Variants in PARP8 observed in about 807,000 individuals in gnomAD.
PARP8 encodes the protein poly(ADP-ribose) polymerase family member 8.
A neutral mutation model predicts 124.1 loss-of-function variants in PARP8; 51 were observed. The ratio of observed to expected loss-of-function variants is 0.41; its 90% CI spans 0.33 to 0.52. PARP8 has a LOEUF of 0.52. PARP8 is among the 20% of genes least tolerant of loss of function. PARP8 has a pLI of 0.21. For missense variants in PARP8, 860 were observed against 1,018.9 expected, an observed-to-expected ratio of 0.84 and a Z score of 2.12; for synonymous variants, 391 against 361.5, an observed-to-expected ratio of 1.08 and a Z score of -0.93.
chr5:50,733,656 C>A (rs1209671947), intron 2 of PARP8, among the ~76,000 whole-genome samples: 5 of 152,100 alleles, frequency 3.3e-5, no homozygotes, highest in Non-Finnish European at 5.9e-5. Flanking sequence ...GTTATTGACT[C>A]AAAACCTCAC....
At chr5:50,834,840 A>G in intron 24 of PARP8, 91 bp from the exon 25 acceptor site, 3 of 1,103,420 alleles carry the variant, frequency 2.7e-6, no homozygotes, top group Non-Finnish European at 4.1e-6. Flanking sequence ...TTTTTGCTTT[A>G]GATTTCAACG....
At chr5:50,746,036 A>C (rs1211948443) in intron 2 of PARP8, among the ~76,000 whole-genome samples, 1 of 152,172 alleles carries the variant, frequency 6.6e-6, no homozygotes, top group Non-Finnish European at 1.5e-5. Context: ...TTCCCAATAC[A>C]TACCTTTTCA....
chr5:50,667,966 C>G, intron 1 of PARP8, 105 bp from the exon 2 acceptor site: 1 of 1,598,550 alleles, frequency 6.3e-7, no homozygotes, highest in Non-Finnish European at 8.5e-7. Context: ...TGCCTTCTGC[C>G]CGGCCAGGCC....
At chr5:50,727,885 AT>A (rs1397154057) in intron 2 of PARP8, among the ~76,000 whole-genome samples, 2 of 152,142 alleles carry the variant, frequency 1.3e-5, no homozygotes, top group African/African-American at 4.8e-5. Flanking sequence ...TACAACTATA[AT>A]TTTCATTTAT....
chr5:50,694,244 A>G (rs1561254103), intron 2 of PARP8, among the ~76,000 whole-genome samples: 1 of 152,174 alleles, frequency 6.6e-6, no homozygotes, highest in Non-Finnish European at 1.5e-5. Context: ...CCCTTATGGA[A>G]GTGACATCAA....
Position 50,843,844 on chromosome 5 carries a change from TGAAA to T in PARP8, c.*1777_*1780del, listed in dbSNP as rs1427409163. 1 of 151,834 alleles carries T rather than the reference TGAAA, an allele frequency of 6.6e-6. No homozygotes were observed. Among genetic ancestry groups the T allele is most frequent in the African/African-American group, 2.4e-5 (1 of 41,406 alleles). 9.4% of individuals were successfully genotyped at this position (151,834 alleles called of 1,614,324 possible). A position where few individuals can be genotyped will look rare whatever the true frequency, so the allele number is the denominator to read the frequency against. ...TGTTTAAGCAACAGAATTATTTTTTTGAAATTAGTCTATACGTTAGACAGTCTAT... is the reference window on the plus strand; with the variant it reads ...TGTTTAAGCAACAGAATTATTTTTTTTTAGTCTATACGTTAGACAGTCTAT... On this transcript the variant is annotated 3_prime_UTR_variant, in exon 26 of 26. Transcript: ENST00000281631.
At chr5:50,750,017 G>A in intron 2 of PARP8, 134 bp from the exon 3 acceptor site, 3 of 703,762 alleles carry the variant, frequency 4.3e-6, no homozygotes. Flanking sequence ...TTTCTAATCT[G>A]TTTTGGAAGT....
chr5:50,692,509 G>C (rs1752600377), intron 2 of PARP8, among the ~76,000 whole-genome samples: 1 of 151,518 alleles, frequency 6.6e-6, no homozygotes, highest in Non-Finnish European at 1.5e-5. Context: ...TTTTGGTCTT[G>C]TTTCTTAGCA....
rs1024803400 is a variant in PARP8 at position 50,788,536 on chromosome 5, T to C, written c.684T>C (p.Asp228=). 1.9e-6 allele frequency: 3 copies of C among 1,613,368 alleles called. No homozygotes were observed. The African/African-American group carries it at 4.0e-5, about 22-fold the overall frequency. The change falls in exon 10 of 26, where the codon GAT becomes GAC. Residue 228 remains aspartate (D), a synonymous_variant. Coordinates refer to ENST00000281631, the MANE Select transcript of PARP8 (RefSeq NM_024615.4). ...QYLNGPVPTV[D]VFQISTKERF... is the part of the protein sequence containing the mutation. ...TTTCCTTTCCAGTGCCCACTGTTGA[T>C]GTCTTTCAGATTTCCACAAAAGAGC...
At chr5:50,697,572 C>T (rs893495412) in intron 2 of PARP8, among the ~76,000 whole-genome samples, 2 of 152,208 alleles carry the variant, frequency 1.3e-5, no homozygotes, top group Non-Finnish European at 2.9e-5. Flanking sequence ...TGCAGTGGCA[C>T]GATCATGGCT....
intron 12 of PARP8, 50 bp from the exon 13 acceptor site, chr5:50,796,932 A>G: frequency 6.7e-7 from 1 of 1,482,594 alleles, no homozygotes; most frequent in Non-Finnish European, 9.2e-7. Flanking sequence ...TAATTTATAC[A>G]TTTTTACATT....
intron 15 of PARP8, among the ~76,000 whole-genome samples, chr5:50,818,270 C>A (rs575410316): frequency 6.8e-6 from 1 of 147,424 alleles, no homozygotes; most frequent in East Asian, 2.0e-4. Context: ...CTTTCTGTCA[C>A]CCAGGCCAGA....
At chr5:50,841,273 A>G (rs1748148673) in intron 25 of PARP8, among the ~76,000 whole-genome samples, 1 of 151,852 alleles carries the variant, frequency 6.6e-6, no homozygotes, top group Non-Finnish European at 1.5e-5. Flanking sequence ...TTATTGCCCA[A>G]GTAACTGTAT....
At chr5:50,676,109 A>T (rs1750606396) in intron 2 of PARP8, among the ~76,000 whole-genome samples, 1 of 152,236 alleles carries the variant, frequency 6.6e-6, no homozygotes, top group Non-Finnish European at 1.5e-5. Flanking sequence ...CATATCCAAG[A>T]TGTGAGTGAA....
intron 1 of PARP8, chr5:50,667,857 G>C: frequency 7.3e-7 from 1 of 1,373,254 alleles, no homozygotes; most frequent in African/African-American, 1.4e-5. Context: ...CATGGCACCC[G>C]GCACTTGTTG....
chr5:50,812,213 A>T (rs1039310138), intron 14 of PARP8, among the ~76,000 whole-genome samples: 2 of 152,148 alleles, frequency 1.3e-5, no homozygotes, highest in Non-Finnish European at 2.9e-5. Context: ...CCACCAACAG[A>T]GTAAAAACAT....
intron 14 of PARP8, among the ~76,000 whole-genome samples, chr5:50,808,282 G>A (rs1485418710): frequency 1.3e-5 from 2 of 151,702 alleles, no homozygotes; most frequent in South Asian, 4.2e-4. Flanking sequence ...AGAAGAGGAA[G>A]GGCAGGCAGT....
chr5:50,795,471 A>T, intron 12 of PARP8, 54 bp downstream of exon 12: 5 of 1,376,054 alleles, frequency 3.6e-6, no homozygotes, highest in Non-Finnish European at 4.8e-6. Context: ...GTGCAGTAGA[A>T]TTTTTTTTTT....
Position 50,804,476 on chromosome 5 carries a change from G to A in PARP8, c.1575+7243G>A, listed in dbSNP as rs10044566. ...AACAATACTTGCCAGTAGCACTTGC[G>A]GCTACAGTGTTTACCCGGAGATAAC... On this transcript the variant is annotated intron_variant, in intron 14 of 25. Coordinates refer to ENST00000281631, the MANE Select transcript of PARP8 (RefSeq NM_024615.4). Among the ~76,000 whole-genome samples the A allele has an allele frequency of 6.9e-3, 1,056 of 152,192 alleles. 8 individuals are homozygous for A. The highest frequency in any genetic ancestry group is 0.039 in the East Asian group (201 of 5,174).
Sources: allele counts gnomAD v4.1 joint callset (sites outside exome capture counted in the v4.1 genomes callset), GRCh38; gene constraint gnomAD v4.1.1; transcripts MANE v1.5; gene names NCBI Gene and HGNC (gene_info 2026-07-23, HGNC 2026-07-21).